The following RORA variants were observed in gnomAD, a reference collection of about 807,000 sequenced individuals.
RORA encodes nuclear receptor ROR-alpha.
In RORA, 7 loss-of-function variants were observed where a neutral mutation model predicts 69.5. The ratio of observed to expected loss-of-function variants is 0.10; its 90% CI spans 0.06 to 0.19. RORA has a LOEUF of 0.19. Ranked by LOEUF, RORA falls within the 10% of genes least tolerant of loss-of-function variation. The probability of loss-of-function intolerance (pLI) is 1.00; values close to 1 mark genes in which losing one functional copy is unlikely to be tolerated. For synonymous variants in RORA, 261 were observed against 240.8 expected (o/e 1.08, Z -0.78); for missense variants, 457 against 663.0 (o/e 0.69, Z 3.41).
intron 2 of RORA, among the ~76,000 whole-genome samples, chr15:60,571,650 TC>T: frequency 6.6e-6 from 1 of 152,276 alleles, no homozygotes; most frequent in Middle Eastern, 3.4e-3. Context: ...CACTAACTTA[TC>T]CTGGCATGGT....
chr15:60,515,712 G>A (rs78081988), intron 3 of RORA, among the ~76,000 whole-genome samples: 7,357 of 146,346 alleles, frequency 0.05, 656 homozygotes, highest in African/African-American at 0.18. Context: ...GTGATTTAGA[G>A]GCATATTTCT....
At chr15:60,631,170 T>C (rs2069729145) in intron 2 of RORA, among the ~76,000 whole-genome samples, 1 of 152,316 alleles carries the variant, frequency 6.6e-6, no homozygotes, top group Non-Finnish European at 1.5e-5. Flanking sequence ...ATTACAGGCG[T>C]GAGCCATTGC....
At chr15:60,977,288 T>A (rs1380921685) in intron 1 of RORA, among the ~76,000 whole-genome samples, 1 of 152,150 alleles carries the variant, frequency 6.6e-6, no homozygotes, top group Non-Finnish European at 1.5e-5. Flanking sequence ...CAAGCAAGAA[T>A]GGTATTCTGT....
chr15:60,525,558 T>C lies in RORA; in HGVS notation c.282+6208A>G, dbSNP rs1161146160. ...TACAAGAAAACAGCTGACAGCTGCC[T>C]TGCTGAATTCTAATGGCAGACGCTT... is the stretch of plus-strand genomic sequence containing the variant. On this transcript the variant is annotated intron_variant, in intron 3 of 10. Coordinates refer to ENST00000335670, the MANE Select transcript of RORA (RefSeq NM_134261.3). Among the ~76,000 whole-genome samples, 2 of 152,260 alleles carry C rather than the reference T, an allele frequency of 1.3e-5. 1 individual carries two copies. Among genetic ancestry groups the C allele is most frequent in the Admixed American group, 1.3e-4 (2 of 15,290 alleles).
At position 60,832,533 on chromosome 15, in the gene RORA, G is replaced by A. The variant is rs549668392; in HGVS notation, c.167-153847C>T. Among the ~76,000 whole-genome samples the A allele has an allele frequency of 1.8e-4, 27 of 152,218 alleles. No individual in the cohort carries two copies. The South Asian group carries it at 4.6e-3, about 26-fold the overall frequency. On this transcript the variant is annotated intron_variant, in intron 1 of 10. Coordinates refer to ENST00000335670, the MANE Select transcript of RORA (RefSeq NM_134261.3). ...GGAGCACAACTGTTACTCCAGCTCAGACTTCGATGTAAAGGACAAATCAAT... is the reference window on the plus strand; with the variant it reads ...GGAGCACAACTGTTACTCCAGCTCAAACTTCGATGTAAAGGACAAATCAAT...
At chr15:60,589,053 A>G (rs2068420839) in intron 2 of RORA, among the ~76,000 whole-genome samples, 1 of 152,196 alleles carries the variant, frequency 6.6e-6, no homozygotes, top group Admixed American at 6.5e-5. Context: ...CAGTAGTGGC[A>G]ACCATTTGGG....
intron 2 of RORA, among the ~76,000 whole-genome samples, chr15:60,557,195 G>C (rs1017905841): frequency 6.6e-6 from 1 of 152,182 alleles, no homozygotes; most frequent in African/African-American, 2.4e-5. Context: ...TTCTGTGAAG[G>C]CTGAACTTCA....
At chr15:60,556,117 G>A (rs556222401) in intron 2 of RORA, among the ~76,000 whole-genome samples, 2 of 148,058 alleles carry the variant, frequency 1.4e-5, no homozygotes, top group Non-Finnish European at 3.0e-5. Flanking sequence ...ACAGACAGCA[G>A]AGAGATTTCT....
At chr15:60,583,856 C>G (rs957007620) in intron 2 of RORA, among the ~76,000 whole-genome samples, 1 of 152,088 alleles carries the variant, frequency 6.6e-6, no homozygotes, top group Admixed American at 6.5e-5. Context: ...TCCCTTTCCT[C>G]GTGAGTAAGA....
Position 60,844,998 on chromosome 15 carries a change from T to A in RORA, c.167-166312A>T, listed in dbSNP as rs111283425. ...TAAGTGAAGGAAACCAAACCCACCC[T>A]TGTTTCAAAGTGAAGACTTTGTGGG... On this transcript the variant is annotated intron_variant, in intron 1 of 10. Transcript: ENST00000335670. Among the ~76,000 whole-genome samples the A allele has an allele frequency of 7.5e-3, 1,142 of 151,984 alleles. 5 individuals carry two copies. Among genetic ancestry groups the A allele is most frequent in the Middle Eastern group, 0.014 (4 of 294 alleles).
At chr15:61,118,904 G>A (rs1227365256) in intron 1 of RORA, among the ~76,000 whole-genome samples, 1 of 152,104 alleles carries the variant, frequency 6.6e-6, no homozygotes, top group East Asian at 1.9e-4. Context: ...CTTGTCATGT[G>A]AAACAAAGAT....
At chr15:60,755,104 A>G (rs1448725467) in intron 1 of RORA, among the ~76,000 whole-genome samples, 1 of 149,880 alleles carries the variant, frequency 6.7e-6, no homozygotes, top group Admixed American at 6.6e-5. Flanking sequence ...ATTTAGCATT[A>G]GGTATATCTC....
intron 2 of RORA, among the ~76,000 whole-genome samples, chr15:60,573,771 C>A (rs1371418346): frequency 6.6e-6 from 1 of 152,214 alleles, no homozygotes; most frequent in African/African-American, 2.4e-5. Context: ...CTGTTCCTAA[C>A]CCCTCAGTCT....
intron 1 of RORA, among the ~76,000 whole-genome samples, chr15:60,879,543 A>C (rs1400896842): frequency 6.6e-6 from 1 of 152,216 alleles, no homozygotes; most frequent in Admixed American, 6.5e-5. Flanking sequence ...AATTAAATGC[A>C]ACCTGATAAT....
rs534792650 is a variant in RORA, at chr15:60,943,024, C to T, written c.167-264338G>A. On this transcript the variant is annotated intron_variant, in intron 1 of 10. Transcript: ENST00000335670. ...AACAACTTCCTATTTTTAGCATGAA[C>T]TCTCCTTTGTAATTGCTTCACCCAA... 2.0e-5 allele frequency among the ~76,000 whole-genome samples: 3 copies of T among 152,362 alleles called. No homozygotes were observed. The East Asian group carries it at 5.8e-4, about 29-fold the overall frequency.
chr15:61,187,379 AG>A (rs1433452042), intron 1 of RORA, among the ~76,000 whole-genome samples: 2 of 152,218 alleles, frequency 1.3e-5, no homozygotes, highest in Non-Finnish European at 2.9e-5. Context: ...GGCATGACAA[AG>A]AGACTCGGAT....
chr15:60,887,769 A>G (rs1365259895), intron 1 of RORA, among the ~76,000 whole-genome samples: 1 of 152,146 alleles, frequency 6.6e-6, no homozygotes, highest in Non-Finnish European at 1.5e-5. Flanking sequence ...CTGTCCTGCA[A>G]ACACTGAATC....
chr15:60,617,551 CGT>C (rs1491381999), intron 2 of RORA, among the ~76,000 whole-genome samples: 2 of 151,652 alleles, frequency 1.3e-5, no homozygotes, highest in Non-Finnish European at 2.9e-5. Flanking sequence ...AATTTCAATG[CGT>C]GTTACAGATT....
intron 1 of RORA, among the ~76,000 whole-genome samples, chr15:60,840,176 C>A (rs1486637681): frequency 6.6e-6 from 1 of 152,088 alleles, no homozygotes; most frequent in Non-Finnish European, 1.5e-5. Context: ...TCACTTGCTG[C>A]CTTAGTATGA....
Sources: gnomAD v4.1 joint callset for allele counts (sites outside exome capture counted in the v4.1 genomes callset) on GRCh38, gnomAD v4.1.1 for gene constraint, MANE v1.5 for transcripts, NCBI Gene and HGNC (gene_info 2026-07-23, HGNC 2026-07-21) for gene names.